Variants in STXBP4 observed in about 807,000 individuals in gnomAD.
The protein encoded by STXBP4 is syntaxin-binding protein 4.
STXBP4 carries 55 observed loss-of-function variants against 76.1 expected under a neutral mutation model. That is an observed-to-expected ratio of 0.72 (90% CI 0.58 to 0.91). The LOEUF is 0.91. Ranked by LOEUF, STXBP4 falls within the 40% of genes least tolerant of loss-of-function variation. The pLI is 0.00. For synonymous variants in STXBP4, 201 were observed against 220.2 expected (o/e 0.91, Z 0.77); for missense variants, 618 against 636.9 (o/e 0.97, Z 0.32).
chr17:54,989,970 G>T (rs1260961239), intron 3 of STXBP4, among the ~76,000 whole-genome samples: 2 of 152,152 alleles, frequency 1.3e-5, no homozygotes, highest in Admixed American at 1.3e-4. Flanking sequence ...GTCTTTTAAA[G>T]CTACTTAAAA....
rs1181219550 is a variant in STXBP4 at position 55,166,998 on chromosome 17, A to G, written c.*7087A>G. ...GTGGAGGTGGGAAGGAAATGGGAAA[A>G]CAGAATACTGGCCAGGATGGTCTGT... On this transcript the variant is annotated 3_prime_UTR_variant, in exon 18 of 18. Transcript: ENST00000376352. The G allele has an allele frequency of 7.2e-5, 11 of 152,230 alleles. No individual in the cohort carries two copies. The allele number at this position is 152,230 out of a possible 1,614,324, so 9.4% of individuals were successfully genotyped here. A position where few individuals can be genotyped will look rare whatever the true frequency, so the allele number is the denominator to read the frequency against.
At chr17:55,175,956 C>T (rs946343070), downstream of STXBP4, among the ~76,000 whole-genome samples, 3 of 152,120 alleles carry the variant, frequency 2.0e-5, no homozygotes, top group African/African-American at 7.2e-5. Flanking sequence ...GAGGCACAGA[C>T]AAGATCACAG....
chr17:55,087,349 C>T (rs1439087592), intron 16 of STXBP4, among the ~76,000 whole-genome samples: 1 of 152,216 alleles, frequency 6.6e-6, no homozygotes, highest in Middle Eastern at 3.4e-3. Context: ...TTTTCCCAGA[C>T]CATTGTCTTG....
the STXBP4 span, among the ~76,000 whole-genome samples, chr17:55,178,966 G>T: frequency 6.6e-6 from 1 of 152,176 alleles, no homozygotes; most frequent in Non-Finnish European, 1.5e-5. Flanking sequence ...ATGTTTAATA[G>T]GATATCTGGG....
At chr17:55,076,020 C>T (rs1210400668) in intron 13 of STXBP4, among the ~76,000 whole-genome samples, 2 of 152,084 alleles carry the variant, frequency 1.3e-5, no homozygotes, top group African/African-American at 4.8e-5. Context: ...GACCCTTTTT[C>T]AGTGGATTAG....
chr17:54,971,585 T>C (rs954944213), intron 1 of STXBP4, among the ~76,000 whole-genome samples: 5 of 152,186 alleles, frequency 3.3e-5, no homozygotes, highest in African/African-American at 1.2e-4. Context: ...CTTCAACATA[T>C]GGATTTTGGG....
rs76001147 is a variant in STXBP4, at chr17:55,052,261, G to A, written c.1011+5107G>A. Among the ~76,000 whole-genome samples the A allele has an allele frequency of 9.1e-3, 1,383 of 152,212 alleles. 14 individuals are homozygous for A. The highest frequency in any genetic ancestry group is 0.015 in the South Asian group (74 of 4,824). On this transcript the variant is annotated intron_variant, in intron 12 of 17. Transcript: ENST00000376352. The stretch of plus-strand genomic sequence containing the variant: ...TCTTAATATGCCAGAAAATAAGGAC[G>A]TGCTCAAAATGACAGGGGCATATCA...
chr17:55,029,077 A>G (rs936047749), intron 8 of STXBP4, among the ~76,000 whole-genome samples: 11 of 152,192 alleles, frequency 7.2e-5, no homozygotes, highest in African/African-American at 2.4e-4. Context: ...TGGAGTAGTT[A>G]TAAAAGCCTG....
chr17:55,125,873 A>G (rs1174018946), intron 16 of STXBP4, among the ~76,000 whole-genome samples: 1 of 152,182 alleles, frequency 6.6e-6, no homozygotes, highest in Non-Finnish European at 1.5e-5. Context: ...GACAACTGGA[A>G]AGGCAGAGGG....
intron 10 of STXBP4, among the ~76,000 whole-genome samples, chr17:55,035,678 A>G (rs1486904994): frequency 6.6e-6 from 1 of 151,918 alleles, no homozygotes; most frequent in South Asian, 2.1e-4. Context: ...ACTTTTGATC[A>G]ATCATTTTTA....
At chr17:55,185,251 C>CTTCTTCTTCTT in the STXBP4 span, among the ~76,000 whole-genome samples, 44 of 49,356 alleles carry the variant, frequency 8.9e-4, 1 homozygote, top group African/African-American at 3.0e-3. Flanking sequence ...TTCTTCTTCT[C>CTTCTTCTTCTT]CTTCTCCTTC....
At chr17:55,149,405 T>C (rs1041119769) in intron 17 of STXBP4, among the ~76,000 whole-genome samples, 8 of 152,234 alleles carry the variant, frequency 5.3e-5, no homozygotes, top group African/African-American at 1.9e-4. Context: ...AGTGTGACCT[T>C]GGTAGTGGTA....
chr17:55,081,877 A>G (rs2079260070), intron 16 of STXBP4, among the ~76,000 whole-genome samples: 1 of 152,186 alleles, frequency 6.6e-6, no homozygotes. Flanking sequence ...CATCATCCCA[A>G]CAGACAGAGA....
intron 16 of STXBP4, among the ~76,000 whole-genome samples, chr17:55,084,308 GC>G (rs2079295491): frequency 6.6e-6 from 1 of 152,130 alleles, no homozygotes; most frequent in East Asian, 1.9e-4. Context: ...CATGTCCTTT[GC>G]CCACTTTTTG....
At chr17:55,120,275 A>C (rs1333562443) in intron 16 of STXBP4, among the ~76,000 whole-genome samples, 1 of 152,208 alleles carries the variant, frequency 6.6e-6, no homozygotes, top group Non-Finnish European at 1.5e-5. Context: ...TTAAAATTCC[A>C]TATTTAATAG....
chr17:55,013,958 A>G (rs1032469010), intron 8 of STXBP4, among the ~76,000 whole-genome samples: 2 of 152,162 alleles, frequency 1.3e-5, no homozygotes, highest in Admixed American at 1.3e-4. Context: ...GTATTTGGGA[A>G]AGCAGAGTAT....
intron 8 of STXBP4, among the ~76,000 whole-genome samples, chr17:55,008,210 CTTT>C (rs77708278): frequency 6.9e-6 from 1 of 145,598 alleles, no homozygotes. Flanking sequence ...AAATAAGCCC[CTTT>C]TTTTTTTTTG....
chr17:55,027,253 C>G (rs902385767), intron 8 of STXBP4, among the ~76,000 whole-genome samples: 3 of 152,180 alleles, frequency 2.0e-5, no homozygotes, highest in Non-Finnish European at 4.4e-5. Context: ...CTAGCTCCCC[C>G]TGACTTTGCC....
At chr17:55,019,886 C>T (rs907800420) in intron 8 of STXBP4, among the ~76,000 whole-genome samples, 1 of 152,070 alleles carries the variant, frequency 6.6e-6, no homozygotes, top group African/African-American at 2.4e-5. Context: ...ACTCAGCTGT[C>T]GCTCTGTCTT....
Sources: gnomAD v4.1 joint callset for allele counts (sites outside exome capture counted in the v4.1 genomes callset) on GRCh38, gnomAD v4.1.1 for gene constraint, MANE v1.5 for transcripts, NCBI Gene and HGNC (gene_info 2026-07-23, HGNC 2026-07-21) for gene names.